ERC2: variants seen among roughly 807,000 people sequenced by gnomAD.
The protein encoded by ERC2 is ERC protein 2.
In ERC2, 42 loss-of-function variants were observed where a neutral mutation model predicts 114.8. That is an observed-to-expected ratio of 0.37 (90% CI 0.29 to 0.47). ERC2 has a LOEUF of 0.47. ERC2 is among the 20% of genes least tolerant of loss of function. The probability of loss-of-function intolerance (pLI) is 0.99; values close to 1 mark genes in which losing one functional copy is unlikely to be tolerated. For synonymous variants in ERC2, 454 were observed against 425.5 expected (o/e 1.07, Z -0.82); for missense variants, 939 against 1,150.7 (o/e 0.82, Z 2.66).
intron 2 of ERC2, among the ~76,000 whole-genome samples, chr3:56,332,965 A>G (rs558952370): frequency 2.0e-5 from 3 of 152,380 alleles, no homozygotes; most frequent in Non-Finnish European, 2.9e-5. Flanking sequence ...GCCTTAAAAG[A>G]AAGAACAGAG....
intron 2 of ERC2, among the ~76,000 whole-genome samples, chr3:56,419,338 C>T (rs891638841): frequency 1.6e-4 from 24 of 152,174 alleles, no homozygotes; most frequent in African/African-American, 5.8e-4. Context: ...TTGGAATTTT[C>T]GTACCCAGAG....
intron 3 of ERC2, among the ~76,000 whole-genome samples, chr3:56,250,054 C>T (rs549403441): frequency 2.0e-5 from 3 of 152,044 alleles, no homozygotes; most frequent in East Asian, 1.9e-4. Flanking sequence ...GACGGGGTTT[C>T]GCCATTTGGG....
chr3:56,417,279 A>G (rs547022373), intron 2 of ERC2, among the ~76,000 whole-genome samples: 7 of 152,168 alleles, frequency 4.6e-5, no homozygotes, highest in Admixed American at 2.6e-4. Context: ...CTTTTTTTCT[A>G]TTACTCCCTA....
At chr3:56,117,037 G>A (rs560749160) in intron 6 of ERC2, among the ~76,000 whole-genome samples, 6 of 152,262 alleles carry the variant, frequency 3.9e-5, no homozygotes, top group Admixed American at 1.3e-4. Flanking sequence ...TGGAAGGTTA[G>A]GCAAATTGTC....
At chr3:55,608,381 G>A (rs1372337901) in intron 17 of ERC2, among the ~76,000 whole-genome samples, 1 of 152,128 alleles carries the variant, frequency 6.6e-6, no homozygotes. Context: ...AAATATCCCC[G>A]TGCATGTGCA....
chr3:56,020,800 G>T (rs1283451362), intron 7 of ERC2, among the ~76,000 whole-genome samples: 1 of 152,154 alleles, frequency 6.6e-6, no homozygotes, highest in African/African-American at 2.4e-5. Context: ...GGCAGTAGTA[G>T]GCAGCAATTT....
intron 2 of ERC2, among the ~76,000 whole-genome samples, chr3:56,384,919 C>T (rs2059881190): frequency 6.6e-6 from 1 of 152,112 alleles, no homozygotes; most frequent in Non-Finnish European, 1.5e-5. Flanking sequence ...GTTTTTCCAA[C>T]AACAGTTGTT....
At chr3:56,061,265 C>T (rs186337211) in intron 7 of ERC2, among the ~76,000 whole-genome samples, 2 of 152,336 alleles carry the variant, frequency 1.3e-5, no homozygotes, top group African/African-American at 2.4e-5. Flanking sequence ...CAATTTCAAT[C>T]GCTAAAATTG....
chr3:56,045,135 T>A (rs546691586), intron 7 of ERC2, among the ~76,000 whole-genome samples: 1 of 152,306 alleles, frequency 6.6e-6, no homozygotes, highest in East Asian at 1.9e-4. Context: ...TATGTTAGAA[T>A]TCTTTTTTAG....
intron 3 of ERC2, among the ~76,000 whole-genome samples, chr3:56,261,205 C>A (rs898954570): frequency 1.6e-4 from 24 of 152,246 alleles, no homozygotes; most frequent in African/African-American, 5.5e-4. Context: ...TCAGCTTAAA[C>A]ACAACTAATC....
At chr3:56,129,803 C>G (rs572131506) in intron 6 of ERC2, among the ~76,000 whole-genome samples, 1 of 152,052 alleles carries the variant, frequency 6.6e-6, no homozygotes, top group Non-Finnish European at 1.5e-5. Flanking sequence ...AGCTCTGACT[C>G]GATACCTCTA....
At chr3:55,715,808 A>T (rs2064087290) in intron 15 of ERC2, among the ~76,000 whole-genome samples, 1 of 152,172 alleles carries the variant, frequency 6.6e-6, no homozygotes, top group Admixed American at 6.5e-5. Context: ...TTTATAGGAC[A>T]TTTTATTTGA....
intron 15 of ERC2, among the ~76,000 whole-genome samples, chr3:55,707,835 A>C (rs183761412): frequency 6.4e-4 from 98 of 152,360 alleles, no homozygotes; most frequent in Admixed American, 2.7e-3. Context: ...AGAGTGACAC[A>C]GTTGCACATG....
intron 17 of ERC2, among the ~76,000 whole-genome samples, chr3:55,652,019 C>G (rs1447869853): frequency 6.6e-6 from 1 of 152,226 alleles, no homozygotes; most frequent in Non-Finnish European, 1.5e-5. Context: ...CAATCCCTAT[C>G]AAGACTGTGC....
intron 14 of ERC2, among the ~76,000 whole-genome samples, chr3:55,735,180 C>T (rs979444900): frequency 6.6e-6 from 1 of 152,174 alleles, no homozygotes; most frequent in African/African-American, 2.4e-5. Context: ...CAAATCTGAG[C>T]ATTCATTGCT....
rs115415639 is a variant in ERC2 at position 56,057,637 on chromosome 3, G to C, written c.1641+23180C>G. Among the ~76,000 whole-genome samples, 976 of 152,254 alleles carry C rather than the reference G, an allele frequency of 6.4e-3. 7 individuals are homozygous for C. Among genetic ancestry groups the C allele is most frequent in the African/African-American group, 0.022 (915 of 41,538 alleles). On this transcript the variant is annotated intron_variant, in intron 7 of 17. Transcript: ENST00000288221. ...AACAGTACCTACCTCACTGACATGT[G>C]GGTGTTGTGAAGATTAAGATAATCA...
intron 3 of ERC2, among the ~76,000 whole-genome samples, chr3:56,202,380 T>G (rs1400695943): frequency 6.6e-6 from 1 of 152,188 alleles, no homozygotes; most frequent in African/African-American, 2.4e-5. Context: ...ATTTTGCATT[T>G]ATAGAGTCTC....
intron 17 of ERC2, among the ~76,000 whole-genome samples, chr3:55,656,688 C>A (rs1224459935): frequency 1.3e-5 from 2 of 152,208 alleles, no homozygotes; most frequent in African/African-American, 4.8e-5. Flanking sequence ...TTCTGACCAA[C>A]TCAGTCTCTT....
chr3:55,740,001 T>C (rs2148936858), intron 14 of ERC2, among the ~76,000 whole-genome samples: 1 of 152,316 alleles, frequency 6.6e-6, no homozygotes, highest in South Asian at 2.1e-4. Flanking sequence ...CAACACCATT[T>C]GTTAAATAGG....
Sources: allele counts gnomAD v4.1 joint callset (sites outside exome capture counted in the v4.1 genomes callset), GRCh38; gene constraint gnomAD v4.1.1; transcripts MANE v1.5; gene names NCBI Gene and HGNC (gene_info 2026-07-23, HGNC 2026-07-21).